GHR: variants seen among roughly 807,000 people sequenced by gnomAD.
The protein encoded by GHR is growth hormone receptor, also known as GH receptor.
In GHR, 35 loss-of-function variants were observed where a neutral mutation model predicts 67.1. That is an observed-to-expected ratio of 0.52 (90% CI 0.40 to 0.69). The LOEUF is 0.69. Ranked by LOEUF, GHR falls within the 30% of genes least tolerant of loss-of-function variation. The probability of loss-of-function intolerance (pLI) is 0.00; values close to 1 mark genes in which losing one functional copy is unlikely to be tolerated. For synonymous variants in GHR, 272 were observed against 269.1 expected, an observed-to-expected ratio of 1.01 and a Z score of -0.10; for missense variants, 792 against 764.6, an observed-to-expected ratio of 1.04 and a Z score of -0.42.
intron 2 of GHR, among the ~76,000 whole-genome samples, chr5:42,625,413 A>T (rs1753651029): frequency 6.6e-6 from 1 of 152,162 alleles, no homozygotes; most frequent in African/African-American, 2.4e-5. Context: ...GATCACCAAA[A>T]TGTGTGTGGT....
At chr5:42,474,295 G>GAGAAAGAAAGAAAGAAAGAGAAAGAA (rs1745164897) in intron 1 of GHR, among the ~76,000 whole-genome samples, 2 of 81,070 alleles carry the variant, frequency 2.5e-5, no homozygotes, top group Non-Finnish European at 4.8e-5. Context: ...AAAAGAGAAA[G>GAGAAAGAAAGAAAGAAAGAGAAAGAA]AGAAAGAAAG....
At chr5:42,582,570 A>G (rs1201932289) in intron 2 of GHR, among the ~76,000 whole-genome samples, 1 of 152,238 alleles carries the variant, frequency 6.6e-6, no homozygotes, top group Non-Finnish European at 1.5e-5. Context: ...GATGTGGGAC[A>G]AGAACTCAGG....
intron 2 of GHR, among the ~76,000 whole-genome samples, chr5:42,586,810 G>A (rs1319392792): frequency 6.6e-6 from 1 of 152,170 alleles, no homozygotes; most frequent in African/African-American, 2.4e-5. Context: ...TGGGACTACA[G>A]CCAAAGCCAA....
At chr5:42,683,630 G>C (rs1353529744) in intron 3 of GHR, among the ~76,000 whole-genome samples, 1 of 150,900 alleles carries the variant, frequency 6.6e-6, no homozygotes, top group Non-Finnish European at 1.5e-5. Flanking sequence ...CACATACCCA[G>C]CCATAAAATT....
intron 1 of GHR, among the ~76,000 whole-genome samples, chr5:42,528,008 A>T (rs916113455): frequency 6.6e-6 from 1 of 152,074 alleles, no homozygotes; most frequent in Non-Finnish European, 1.5e-5. Context: ...GAAAAAAAAG[A>T]TTTTTTTCTA....
rs1043770223 is a variant in GHR, at chr5:42,444,607, A to G, written c.-12+20652A>G. Reference sequence around the variant, plus strand: ...TGATTTTCAGATTCCTGAGCCCAGTATTCAGAATCCTATATATTCCCTCAA... The same window carrying G: ...TGATTTTCAGATTCCTGAGCCCAGTGTTCAGAATCCTATATATTCCCTCAA... On this transcript the variant is annotated intron_variant, in intron 1 of 9. Coordinates refer to ENST00000230882, the MANE Select transcript of GHR (RefSeq NM_000163.5). Among the ~76,000 whole-genome samples, 4 of 152,200 alleles carry G rather than the reference A, an allele frequency of 2.6e-5. No homozygotes were observed. In the East Asian group the frequency reaches 5.8e-4, roughly 22 times the overall value.
chr5:42,513,585 C>A (rs936346550), intron 1 of GHR, among the ~76,000 whole-genome samples: 1 of 152,128 alleles, frequency 6.6e-6, no homozygotes, highest in Non-Finnish European at 1.5e-5. Flanking sequence ...GAGTTCCAGC[C>A]CAGCCTGACC....
chr5:42,466,917 C>T, intron 1 of GHR: 8 of 1,516,376 alleles, frequency 5.3e-6, no homozygotes, highest in Non-Finnish European at 7.1e-6. Context: ...TGTGGTGTCG[C>T]ATGAGGTGTG....
rs149611164 is a variant in GHR at position 42,570,547 on chromosome 5, G to A, written c.70+4603G>A. Among the ~76,000 whole-genome samples, 118 of 152,262 alleles carry A rather than the reference G, an allele frequency of 7.7e-4. 1 individual carries two copies. Among genetic ancestry groups the A allele is most frequent in the African/African-American group, 2.7e-3 (114 of 41,568 alleles). On this transcript the variant is annotated intron_variant, in intron 2 of 9. Transcript: ENST00000230882. ...TTTATTCATTCAATTTTGCATGCAT[G>A]CATTTATTCATTTTTTTGTTTTAGA...
chr5:42,563,298 A>G (rs1200285168), intron 1 of GHR, among the ~76,000 whole-genome samples: 1 of 152,156 alleles, frequency 6.6e-6, no homozygotes, highest in Non-Finnish European at 1.5e-5. Context: ...CACAGCATCC[A>G]GTTCTTCAGT....
At position 42,644,829 on chromosome 5, in the gene GHR, T is replaced by A. The variant is rs11746403; in HGVS notation, c.136+15726T>A. Reference sequence around the variant, plus strand: ...TTAAACCATATTTTCTATTTTTATGTTTATTTTGCAAATTCCAAAATAAAA... The same window carrying A: ...TTAAACCATATTTTCTATTTTTATGATTATTTTGCAAATTCCAAAATAAAA... On this transcript the variant is annotated intron_variant, in intron 3 of 9. Coordinates refer to ENST00000230882, the MANE Select transcript of GHR (RefSeq NM_000163.5). 5.9e-3 allele frequency among the ~76,000 whole-genome samples: 894 copies of A among 152,268 alleles called. 5 individuals are homozygous for A. Among genetic ancestry groups the A allele is most frequent in the Admixed American group, 0.01 (158 of 15,296 alleles).
chr5:42,695,334 T>C (rs535300970), intron 5 of GHR, among the ~76,000 whole-genome samples: 1 of 152,308 alleles, frequency 6.6e-6, no homozygotes, highest in South Asian at 2.1e-4. Context: ...AGGAACCTTG[T>C]GGAGTCTTTT....
At chr5:42,567,232 G>T (rs1459227143) in intron 2 of GHR, among the ~76,000 whole-genome samples, 1 of 152,028 alleles carries the variant, frequency 6.6e-6, no homozygotes, top group African/African-American at 2.4e-5. Flanking sequence ...CAAGATTTGA[G>T]GAATTTAAAA....
At chr5:42,579,143 TA>T (rs1191013693) in intron 2 of GHR, among the ~76,000 whole-genome samples, 415 of 34,432 alleles carry the variant, frequency 0.012, no homozygotes, top group Non-Finnish European at 0.018. Flanking sequence ...AGATAGATGA[TA>T]GATAGATATA....
At chr5:42,542,889 G>A (rs560402895) in intron 1 of GHR, among the ~76,000 whole-genome samples, 1 of 152,018 alleles carries the variant, frequency 6.6e-6, no homozygotes, top group Non-Finnish European at 1.5e-5. Flanking sequence ...CATGGTATTT[G>A]GTTTTCCATT....
chr5:42,684,133 A>C (rs1003483095), intron 3 of GHR, among the ~76,000 whole-genome samples: 2 of 152,220 alleles, frequency 1.3e-5, no homozygotes, highest in East Asian at 1.9e-4. Context: ...TTCAAATGCC[A>C]AAATTATGTT....
intron 3 of GHR, among the ~76,000 whole-genome samples, chr5:42,662,738 C>A (rs192161268): frequency 4.6e-5 from 7 of 152,024 alleles, no homozygotes; most frequent in Admixed American, 3.9e-4. Context: ...TAGGAGAAGG[C>A]AAGAAATAAC....
intron 4 of GHR, among the ~76,000 whole-genome samples, chr5:42,692,644 C>A (rs904396855): frequency 1.3e-5 from 2 of 152,078 alleles, no homozygotes; most frequent in Admixed American, 6.5e-5. Flanking sequence ...CTCTGTTTGT[C>A]CTGTGGAGTT....
chr5:42,430,638 A>G (rs200801907), intron 1 of GHR, among the ~76,000 whole-genome samples: 2,004 of 84,150 alleles, frequency 0.024, 62 homozygotes, highest in Admixed American at 0.11. Flanking sequence ...GTGTGTGTGT[A>G]TGTGTGTGTT....
Sources: gnomAD v4.1 joint callset for allele counts (sites outside exome capture counted in the v4.1 genomes callset) on GRCh38, gnomAD v4.1.1 for gene constraint, MANE v1.5 for transcripts, NCBI Gene and HGNC (gene_info 2026-07-23, HGNC 2026-07-21) for gene names.